UNC5A: variants seen among roughly 807,000 people sequenced by gnomAD.
The protein encoded by UNC5A is netrin receptor UNC5A.
A neutral mutation model predicts 87.4 loss-of-function variants in UNC5A; 20 were observed. That is an observed-to-expected ratio of 0.23 (90% CI 0.16 to 0.33). UNC5A has a LOEUF of 0.33. UNC5A is among the 10% of genes least tolerant of loss of function. UNC5A has a pLI of 1.00. For missense variants in UNC5A, 844 were observed against 1,133.4 expected, an observed-to-expected ratio of 0.74 and a Z score of 3.67; for synonymous variants, 438 against 482.3, an observed-to-expected ratio of 0.91 and a Z score of 1.20.
rs745566740 is a variant in UNC5A at position 176,862,672 on chromosome 5, C to T, written c.119C>T (p.Pro40Leu). The stretch of plus-strand genomic sequence containing the variant: ...GCCAACCCAGTGCCTGGTGCCAACC[C>T]GGACCTGCTTCCCCACTTCCTGGTG... Reference protein sequence around the residue: ...TVANPVPGANPDLLPHFLVEP... With the variant: ...TVANPVPGANLDLLPHFLVEP... The change falls in exon 2 of 15, where the codon CCG becomes CTG. Residue 40 changes from proline (P) to leucine (L), a missense_variant. Around this residue, in one of 3 missense-constraint regions of UNC5A, gnomAD observed 314 missense variants for 466.5 expected, o/e 0.67. Coordinates refer to ENST00000329542, the MANE Select transcript of UNC5A (RefSeq NM_133369.3). The T allele has an allele frequency of 1.4e-5, 22 of 1,613,512 alleles. No homozygotes were observed. Among genetic ancestry groups the T allele is most frequent in the Middle Eastern group, 1.6e-4 (1 of 6,084 alleles).
Position 176,848,156 on chromosome 5 carries a change from G to A in UNC5A, c.71-14468G>A, listed in dbSNP as rs914089618. On this transcript the variant is annotated intron_variant, in intron 1 of 14. Coordinates refer to ENST00000329542, the MANE Select transcript of UNC5A (RefSeq NM_133369.3). The surrounding 1 kb of genome is among the most constrained non-coding windows in gnomAD (Gnocchi z 5.8). ...CTGGTTTCCTAGAGCACCCCTCCCC[G>A]CCTCATTTCCACGTTAGCACCACCG... Among the ~76,000 whole-genome samples the A allele has an allele frequency of 2.6e-5, 4 of 151,762 alleles. No homozygotes were observed. The highest frequency in any genetic ancestry group is 6.6e-5 in the Admixed American group (1 of 15,242).
chr5:176,865,722 G>T lies in UNC5A; in HGVS notation c.293-2408G>T. 2.2e-6 allele frequency: 1 copy of T among 455,720 alleles called. No individual in the cohort carries two copies. The highest frequency in any genetic ancestry group is 1.5e-5 in the South Asian group (1 of 64,524). The allele number at this position is 455,720 out of a possible 1,614,324, so 28.2% of individuals were successfully genotyped here. On this transcript the variant is annotated intron_variant, in intron 2 of 14. Coordinates refer to ENST00000329542, the MANE Select transcript of UNC5A (RefSeq NM_133369.3). This position sits in a 1 kb window ranked among gnomAD's most constrained non-coding sequence, Gnocchi z 5.3. ...CCAGAAACGTTCTGTGGTCAGACAG[G>T]TATGGCAGGGCTCGGAGGCCCACCC...
intron 1 of UNC5A, among the ~76,000 whole-genome samples, chr5:176,854,149 C>T (rs745694658): frequency 2.0e-5 from 3 of 152,128 alleles, no homozygotes; most frequent in Non-Finnish European, 2.9e-5. Context: ...AGGTTCATAC[C>T]TGAGTTGCCA....
chr5:176,855,750 T>C (rs1533011), intron 1 of UNC5A, among the ~76,000 whole-genome samples: 17,428 of 152,226 alleles, frequency 0.11, 1,261 homozygotes, highest in East Asian at 0.36. Context: ...CAGGCCCTGG[T>C]GGACCTACTG....
intron 1 of UNC5A, among the ~76,000 whole-genome samples, chr5:176,818,301 A>G (rs943707511): frequency 2.7e-4 from 41 of 152,080 alleles, no homozygotes; most frequent in Non-Finnish European, 5.7e-4. Context: ...CGTTTTACAG[A>G]TGAGGCCGAG....
At chr5:176,870,272 T>C in intron 5 of UNC5A, 98 bp from the exon 6 acceptor site, 1 of 1,475,628 alleles carries the variant, frequency 6.8e-7, no homozygotes, top group Non-Finnish European at 9.2e-7. Context: ...TGCCTTGCAC[T>C]GCCTGGTCTG....
chr5:176,819,277 C>T (rs895135773), intron 1 of UNC5A, among the ~76,000 whole-genome samples: 16 of 152,218 alleles, frequency 1.1e-4, no homozygotes, highest in Non-Finnish European at 1.6e-4. Flanking sequence ...GGGAGCTCAC[C>T]ACACTGTGCC....
chr5:176,846,682 G>A (rs546385261), intron 1 of UNC5A, among the ~76,000 whole-genome samples: 18 of 152,274 alleles, frequency 1.2e-4, no homozygotes, highest in African/African-American at 4.1e-4. Context: ...CAAGTGGGCG[G>A]GCTCTAGAGA....
intron 1 of UNC5A, among the ~76,000 whole-genome samples, chr5:176,832,158 A>C (rs1467595716): frequency 3.9e-5 from 6 of 152,068 alleles, no homozygotes; most frequent in African/African-American, 1.4e-4. Context: ...CAGCCTCCCA[A>C]AGTGCTGGGA....
At chr5:176,879,568 G>C in intron 14 of UNC5A, 80 bp downstream of exon 14, 1 of 1,546,286 alleles carries the variant, frequency 6.5e-7, no homozygotes, top group Non-Finnish European at 8.7e-7. Context: ...AGGTGGACAG[G>C]AGGCCCTGTG....
intron 1 of UNC5A, among the ~76,000 whole-genome samples, chr5:176,837,231 CCTGCCATCTCAT>C (rs1056868632): frequency 4.6e-5 from 7 of 152,318 alleles, no homozygotes; most frequent in African/African-American, 1.7e-4. Context: ...CCAGCTTGCC[CCTGCCATCTCAT>C]CTGCCATCAC....
chr5:176,867,696 G>C (rs1758007707), intron 2 of UNC5A, among the ~76,000 whole-genome samples: 1 of 152,178 alleles, frequency 6.6e-6, no homozygotes, highest in Non-Finnish European at 1.5e-5. Flanking sequence ...GAGGGAGGGG[G>C]CCAGATCCTT....
chr5:176,879,692 G>A (rs758761815), intron 14 of UNC5A, 29 bp from the exon 15 acceptor site: 1 of 1,608,592 alleles, frequency 6.2e-7, no homozygotes, highest in Middle Eastern at 1.9e-4. Flanking sequence ...GCCAGGCCAG[G>A]CTGCTGACGG....
In UNC5A at chr5:176,875,718, C is replaced by T. The variant is rs1412624734; in HGVS notation, c.1378+1152C>T. Among the ~76,000 whole-genome samples the T allele has an allele frequency of 6.6e-6, 1 of 152,200 alleles. No individual in the cohort carries two copies. The highest frequency in any genetic ancestry group is 2.4e-5 in the African/African-American group (1 of 41,456). ...AGAAGACCTGTCCCCTGCAGGCCAG[C>T]TGCTTCAGCCTCTTCCCTCACACAC... On this transcript the variant is annotated intron_variant, in intron 8 of 14. Transcript: ENST00000329542. This position sits in a 1 kb window ranked among gnomAD's most constrained non-coding sequence, Gnocchi z 5.2.
intron 1 of UNC5A, among the ~76,000 whole-genome samples, chr5:176,817,229 G>A (rs1756610507): frequency 6.7e-6 from 1 of 148,738 alleles, no homozygotes; most frequent in Non-Finnish European, 1.5e-5. Context: ...TGTCCGTCTG[G>A]AAGGCTCAGG....
At position 176,879,887 on chromosome 5, in the gene UNC5A, G is replaced by C; in HGVS notation, c.*1G>C. On this transcript the variant is annotated 3_prime_UTR_variant, in exon 15 of 15. Transcript: ENST00000329542. ...CACAGTGTCGGAGGCTGAGTGCTGA[G>C]GCCGGCCAGGCCCGACACCTACACT... 1 of 1,585,922 alleles carries C rather than the reference G, an allele frequency of 6.3e-7. No individual in the cohort carries two copies. The highest frequency in any genetic ancestry group is 8.6e-7 in the Non-Finnish European group (1 of 1,165,866).
intron 1 of UNC5A, among the ~76,000 whole-genome samples, chr5:176,858,025 GC>G (rs1181960599): frequency 6.6e-6 from 1 of 152,192 alleles, no homozygotes; most frequent in Non-Finnish European, 1.5e-5. Flanking sequence ...AGGTGTGTCC[GC>G]CCTGGCAGTG....
rs375786801 is a variant in UNC5A, at chr5:176,862,862, G to T, written c.292+17G>T. The stretch of plus-strand genomic sequence containing the variant: ...GGAGCAGTGGTGAGCCGCATGGGGC[G>T]CCAGGCAGGGCCAATCCGGGGGAGG... On this transcript the variant is annotated intron_variant, in intron 2 of 14. Coordinates refer to ENST00000329542, the MANE Select transcript of UNC5A (RefSeq NM_133369.3). 49 of 1,611,068 alleles carry T rather than the reference G, an allele frequency of 3.0e-5. No individual in the cohort carries two copies. Among genetic ancestry groups the T allele is most frequent in the South Asian group, 6.6e-5 (6 of 90,876 alleles).
rs567124986 is a variant in UNC5A at position 176,869,868 on chromosome 5, A to T, written c.722-502A>T. On this transcript the variant is annotated intron_variant, in intron 5 of 14. Coordinates refer to ENST00000329542, the MANE Select transcript of UNC5A (RefSeq NM_133369.3). This position sits in a 1 kb window ranked among gnomAD's most constrained non-coding sequence, Gnocchi z 9.1. ...ATCGCGCCCACCAGCCTGCCCCCCC[A>T]TGGCTCCATCCCACCCACCCGCCAC... The T allele has an allele frequency of 1.8e-6, 1 of 571,058 alleles. No individual in the cohort carries two copies. The highest frequency in any genetic ancestry group is 2.0e-5 in the South Asian group (1 of 49,120). The allele number at this position is 571,058 out of a possible 1,614,324, so 35.4% of individuals were successfully genotyped here.
Sources: gnomAD v4.1 joint callset for allele counts (sites outside exome capture counted in the v4.1 genomes callset) on GRCh38, gnomAD v4.1.1 for gene constraint, gnomAD v4.1.1 regional missense constraint, Gnocchi (gnomAD v3.1) non-coding constraint, MANE v1.5 for transcripts, NCBI Gene and HGNC (gene_info 2026-07-23, HGNC 2026-07-21) for gene names.